Variants in MYO7B observed in about 807,000 individuals in gnomAD.
MYO7B encodes unconventional myosin-VIIb.
MYO7B carries 212 observed loss-of-function variants against 259.7 expected under a neutral mutation model. That is an observed-to-expected ratio of 0.82 (90% CI 0.73 to 0.91). MYO7B has a LOEUF of 0.91. Ranked by LOEUF, MYO7B falls within the 40% of genes least tolerant of loss-of-function variation. The probability of loss-of-function intolerance (pLI) is 0.00; values close to 1 mark genes in which losing one functional copy is unlikely to be tolerated. For missense variants in MYO7B, 2,732 were observed against 2,813.5 expected (o/e 0.97, Z 0.66); for synonymous variants, 1,197 against 1,166.4 (o/e 1.03, Z -0.54).
Position 127,609,795 on chromosome 2 carries a change from A to G in MYO7B, c.3025-54A>G. ...GAGCTATGGCTCGGGGAAAGAAGGA[A>G]GGGGCCATAGTCACTGATGGGTTCC... is the stretch of plus-strand genomic sequence containing the variant. On this transcript the variant is annotated intron_variant, in intron 23 of 47. Coordinates refer to ENST00000409816, the MANE Select transcript of MYO7B (RefSeq NM_001393586.1). The surrounding 1 kb of genome is among the most constrained non-coding windows in gnomAD (Gnocchi z 6.9). 1 of 1,611,342 alleles carries G rather than the reference A, an allele frequency of 6.2e-7. No individual in the cohort carries two copies. The highest frequency in any genetic ancestry group is 8.5e-7 in the Non-Finnish European group (1 of 1,177,718).
In MYO7B at chr2:127,623,360, C is replaced by G; in HGVS notation, c.3804C>G (p.Val1268=). ...ACCACCTGGGCTTCTCCCTCCAGGT[C>G]GCCGTGTACGACAAGGTACCAGCCA... is the stretch of plus-strand genomic sequence containing the variant. ...LSDHLGFSLQ[V]AVYDKFWSLG... is the part of the protein sequence containing the mutation. The change falls in exon 29 of 48, where the codon GTC becomes GTG. Residue 1268 remains valine (V), a synonymous_variant. Transcript: ENST00000409816. 1 of 1,595,080 alleles carries G rather than the reference C, an allele frequency of 6.3e-7. No homozygotes were observed. The highest frequency in any genetic ancestry group is 8.5e-7 in the Non-Finnish European group (1 of 1,171,156).
Position 127,613,494 on chromosome 2 carries a change from A to ACT in MYO7B, c.3398+891_3398+892insCT, listed in dbSNP as rs1300964495. Among the ~76,000 whole-genome samples the ACT allele has an allele frequency of 1.3e-5, 2 of 152,204 alleles. No individual in the cohort carries two copies. The highest frequency in any genetic ancestry group is 2.9e-5 in the Non-Finnish European group (2 of 68,036). On this transcript the variant is annotated intron_variant, in intron 26 of 47. Transcript: ENST00000409816. This position sits in a 1 kb window ranked among gnomAD's most constrained non-coding sequence, Gnocchi z 4.3. Reference sequence around the variant, plus strand: ...GAGCATTGTTTCCTTTATATCCTTGAGCAGATTTACAGTAGTTTTTAAATC... The same window carrying ACT: ...GAGCATTGTTTCCTTTATATCCTTGACTGCAGATTTACAGTAGTTTTTAAATC...
rs1468347865 is a variant in MYO7B at position 127,597,470 on chromosome 2, C to A, written c.2339+914C>A. Among the ~76,000 whole-genome samples the A allele has an allele frequency of 2.6e-5, 4 of 152,122 alleles. No individual in the cohort carries two copies. The highest frequency in any genetic ancestry group is 5.9e-5 in the Non-Finnish European group (4 of 68,026). On this transcript the variant is annotated intron_variant, in intron 19 of 47. Transcript: ENST00000409816. This position sits in a 1 kb window ranked among gnomAD's most constrained non-coding sequence, Gnocchi z 4.8. Reference sequence around the variant, plus strand: ...CCCCAGTGCTGCTTAACCCCAGCAACCTCTAACCTGTTCTACATTTCTAGA... The same window carrying A: ...CCCCAGTGCTGCTTAACCCCAGCAAACTCTAACCTGTTCTACATTTCTAGA...
chr2:127,629,523 G>T, intron 34 of MYO7B, 122 bp from the exon 35 acceptor site: 1 of 938,886 alleles, frequency 1.1e-6, no homozygotes, highest in Non-Finnish European at 1.6e-6. Context: ...CACTCTTGGA[G>T]TGGTCTTCTG....
At chr2:127,617,487 GTT>G (rs35542480) in intron 26 of MYO7B, among the ~76,000 whole-genome samples, 265 of 84,776 alleles carry the variant, frequency 3.1e-3, no homozygotes, top group East Asian at 0.027. Flanking sequence ...TTGTAACGGG[GTT>G]TTTTTTTTTT....
chr2:127,611,601 G>A lies in MYO7B; in HGVS notation c.3193-649G>A, dbSNP rs138965667. ...CCCTGCACGGTAAACCAGCTTTGAC[G>A]CACCCAGGAGCTGGTGCCTGGCCCT... On this transcript the variant is annotated intron_variant, in intron 24 of 47. Coordinates refer to ENST00000409816, the MANE Select transcript of MYO7B (RefSeq NM_001393586.1). This position sits in a 1 kb window ranked among gnomAD's most constrained non-coding sequence, Gnocchi z 5.4. Among the ~76,000 whole-genome samples the A allele has an allele frequency of 2.0e-3, 310 of 152,262 alleles. No homozygotes were observed. Among genetic ancestry groups the A allele is most frequent in the Non-Finnish European group, 3.4e-3 (233 of 68,022 alleles).
chr2:127,609,302 C>T lies in MYO7B; in HGVS notation c.2815-204C>T, dbSNP rs1408882482. On this transcript the variant is annotated intron_variant, in intron 22 of 47. Coordinates refer to ENST00000409816, the MANE Select transcript of MYO7B (RefSeq NM_001393586.1). The surrounding 1 kb of genome is among the most constrained non-coding windows in gnomAD (Gnocchi z 6.9). Reference sequence around the variant, plus strand: ...GGAGAGGGCAGGAGCCCTGCCCCTGCCCGGCAGGGTGTGTAGAGAGCCCTG... The same window carrying T: ...GGAGAGGGCAGGAGCCCTGCCCCTGTCCGGCAGGGTGTGTAGAGAGCCCTG... 6.6e-6 allele frequency among the ~76,000 whole-genome samples: 1 copy of T among 152,092 alleles called. No homozygotes were observed. The highest frequency in any genetic ancestry group is 1.9e-4 in the East Asian group (1 of 5,172).
At position 127,565,359 on chromosome 2, in the gene MYO7B, A is replaced by G; in HGVS notation, c.259A>G (p.Ile87Val). The G allele has an allele frequency of 6.2e-7, 1 of 1,614,004 alleles. No homozygotes were observed. The highest frequency in any genetic ancestry group is 8.5e-7 in the Non-Finnish European group (1 of 1,179,878). The part of the protein sequence containing the change: ...NEAGMVHNLL[I>V]RYQQHKIYTY... ...GGCAGGCATGGTGCACAACCTCCTGATCCGCTACCAGCAGCACAAGATCTA... is the reference window on the plus strand; with the variant it reads ...GGCAGGCATGGTGCACAACCTCCTGGTCCGCTACCAGCAGCACAAGATCTA... Residue 87 changes from isoleucine (I) to valine (V), a missense_variant, in exon 4 of 48, where the codon ATC (isoleucine) becomes GTC (valine). Coordinates refer to ENST00000409816, the MANE Select transcript of MYO7B (RefSeq NM_001393586.1).
intron 1 of MYO7B, among the ~76,000 whole-genome samples, chr2:127,548,709 C>T (rs962648913): frequency 2.6e-5 from 4 of 152,116 alleles, no homozygotes; most frequent in African/African-American, 7.2e-5. Flanking sequence ...CTACCACGCC[C>T]GGCCTCTAGA....
At chr2:127,635,314 C>T (rs1681744105) in intron 43 of MYO7B, 88 bp downstream of exon 43, 3 of 1,281,144 alleles carry the variant, frequency 2.3e-6, no homozygotes, top group Non-Finnish European at 3.3e-6. Context: ...CAGGCCAGGG[C>T]AGGGCCAGCC....
At chr2:127,543,565 A>G (rs1455674321) in intron 1 of MYO7B, among the ~76,000 whole-genome samples, 1 of 152,152 alleles carries the variant, frequency 6.6e-6, no homozygotes, top group African/African-American at 2.4e-5. Context: ...AAAGCCAGAC[A>G]GGACAGAAAG....
chr2:127,539,303 A>C lies in MYO7B; in HGVS notation c.-24+3472A>C, dbSNP rs1251051436. 6.6e-6 allele frequency among the ~76,000 whole-genome samples: 1 copy of C among 152,266 alleles called. No individual in the cohort carries two copies. Among genetic ancestry groups the C allele is most frequent in the Non-Finnish European group, 1.5e-5 (1 of 68,046 alleles). On this transcript the variant is annotated intron_variant, in intron 1 of 47. Transcript: ENST00000409816. This position sits in a 1 kb window ranked among gnomAD's most constrained non-coding sequence, Gnocchi z 4.0. ...GCAGCTGGGAAAATGTTAGTAAACAAAATGTACATCAGAAAATCCCATATA... is the reference window on the plus strand; with the variant it reads ...GCAGCTGGGAAAATGTTAGTAAACACAATGTACATCAGAAAATCCCATATA...
Position 127,559,480 on chromosome 2 carries a change from G to A in MYO7B, c.-23-220G>A, listed in dbSNP as rs1020926077. Reference sequence around the variant, plus strand: ...AAGCCCAGGACTGGGTATGAAATACGTCTTCAATAAAGGTGACATAGGATG... The same window carrying A: ...AAGCCCAGGACTGGGTATGAAATACATCTTCAATAAAGGTGACATAGGATG... On this transcript the variant is annotated intron_variant, in intron 1 of 47. Coordinates refer to ENST00000409816, the MANE Select transcript of MYO7B (RefSeq NM_001393586.1). The surrounding 1 kb of genome is among the most constrained non-coding windows in gnomAD (Gnocchi z 4.1). 6.6e-6 allele frequency among the ~76,000 whole-genome samples: 1 copy of A among 152,194 alleles called. No individual in the cohort carries two copies. The highest frequency in any genetic ancestry group is 6.5e-5 in the Admixed American group (1 of 15,286).
At chr2:127,594,242 G>C (rs955378232) in intron 18 of MYO7B, among the ~76,000 whole-genome samples, 1 of 152,254 alleles carries the variant, frequency 6.6e-6, no homozygotes, top group African/African-American at 2.4e-5. Flanking sequence ...ATTTGGGTCA[G>C]AGCCACTGAG....
Position 127,631,668 on chromosome 2 carries a change from A to T in MYO7B, c.5164A>T (p.Ile1722Phe), listed in dbSNP as rs760852274. ...AWPTLELTDQIFTLALQHPAL... is the reference protein window; with the variant it reads ...AWPTLELTDQFFTLALQHPAL... ...GCCCACCCTGGAGCTCACCGACCAG[A>T]TCTTCACACTGGCCCTGCAGCACCC... is the stretch of plus-strand genomic sequence containing the variant. The change falls in exon 38 of 48, where the codon ATC (isoleucine) becomes TTC (phenylalanine). Residue 1722 changes from isoleucine to phenylalanine, a missense_variant. Ile to Phe is a conservative substitution (Grantham distance 21). Around this residue, in one of 3 missense-constraint regions of MYO7B, gnomAD observed 821 missense variants for 769.3 expected, o/e 1.07. Transcript: ENST00000409816. 2 of 1,613,066 alleles carry T rather than the reference A, an allele frequency of 1.2e-6. No individual in the cohort carries two copies. Among genetic ancestry groups the T allele is most frequent in the Non-Finnish European group, 1.7e-6 (2 of 1,179,866 alleles).
Position 127,577,136 on chromosome 2 carries a change from C to A in MYO7B, c.849+428C>A, listed in dbSNP as rs1296173998. On this transcript the variant is annotated intron_variant, in intron 8 of 47. Coordinates refer to ENST00000409816, the MANE Select transcript of MYO7B (RefSeq NM_001393586.1). This position sits in a 1 kb window ranked among gnomAD's most constrained non-coding sequence, Gnocchi z 5.2. The stretch of plus-strand genomic sequence containing the variant: ...CCTGTGCTCCCAGCTGCACCCGCCA[C>A]CTAGGACAGGGCGGCACCACAGCCA... Among the ~76,000 whole-genome samples the A allele has an allele frequency of 6.6e-6, 1 of 152,172 alleles. No homozygotes were observed. The highest frequency in any genetic ancestry group is 1.9e-4 in the East Asian group (1 of 5,192).
intron 1 of MYO7B, among the ~76,000 whole-genome samples, chr2:127,558,943 T>C (rs1477980761): frequency 6.6e-6 from 1 of 152,184 alleles, no homozygotes; most frequent in East Asian, 1.9e-4. Flanking sequence ...GTTCCATGTA[T>C]ATTTCGCTGG....
chr2:127,630,941 C>G, intron 36 of MYO7B, 33 bp downstream of exon 36: 1 of 1,526,696 alleles, frequency 6.6e-7, no homozygotes, highest in Non-Finnish European at 8.9e-7. Flanking sequence ...CTCATTGCAC[C>G]CCCACCTCCC....
At position 127,577,989 on chromosome 2, in the gene MYO7B, C is replaced by A; in HGVS notation, c.850-144C>A. 1 of 891,622 alleles carries A rather than the reference C, an allele frequency of 1.1e-6. No individual in the cohort carries two copies. Among genetic ancestry groups the A allele is most frequent in the Non-Finnish European group, 1.7e-6 (1 of 599,038 alleles). The allele number at this position is 891,622 out of a possible 1,614,324, so 55.2% of individuals were successfully genotyped here. ...ATGCTGTGGCTACTGTGTCATGATT[C>A]TGCCTCTGAAAAGAGTTTTTGAGCG... On this transcript the variant is annotated intron_variant, in intron 8 of 47. Transcript: ENST00000409816. The surrounding 1 kb of genome is among the most constrained non-coding windows in gnomAD (Gnocchi z 5.2).
Sources: allele counts gnomAD v4.1 joint callset (sites outside exome capture counted in the v4.1 genomes callset), GRCh38; gene constraint gnomAD v4.1.1; regional missense constraint gnomAD v4.1.1; non-coding constraint Gnocchi (gnomAD v3.1); transcripts MANE v1.5; gene names NCBI Gene and HGNC (gene_info 2026-07-23, HGNC 2026-07-21).